The following DYM variants were observed in gnomAD, a reference collection of about 807,000 sequenced individuals.
The protein encoded by DYM is dymeclin, also known as dyggve-Melchior-Clausen syndrome protein.
Under a neutral mutation model 93.1 loss-of-function variants are expected in DYM, and 78 were observed. The observed-to-expected ratio is 0.84, with a 90% CI of 0.70 to 1.01. DYM has a LOEUF of 1.01. Ranked by LOEUF, DYM falls within the 50% of genes least tolerant of loss-of-function variation. The pLI, the probability that DYM is intolerant of heterozygous loss-of-function variation, is 0.00. For synonymous variants in DYM, 321 were observed against 319.7 expected (o/e 1.00, Z -0.04); for missense variants, 789 against 845.0 (o/e 0.93, Z 0.82).
chr18:49,400,932 T>C (rs1354037929), intron 2 of DYM, among the ~76,000 whole-genome samples: 2 of 152,294 alleles, frequency 1.3e-5, no homozygotes, highest in East Asian at 3.9e-4. Context: ...AGCAGGCAAC[T>C]AACAAACCAT....
At chr18:49,337,045 G>C (rs1319819598) in intron 6 of DYM, among the ~76,000 whole-genome samples, 2 of 152,184 alleles carry the variant, frequency 1.3e-5, no homozygotes, top group African/African-American at 2.4e-5. Flanking sequence ...TGGAAAGATG[G>C]AGGGATCTTT....
chr18:49,437,759 T>G (rs1260736766), intron 1 of DYM, among the ~76,000 whole-genome samples: 1 of 152,230 alleles, frequency 6.6e-6, no homozygotes, highest in African/African-American at 2.4e-5. Flanking sequence ...AACTTAGATT[T>G]TTTTTAAAAA....
At chr18:49,375,228 A>AT (rs2067387375) in intron 5 of DYM, among the ~76,000 whole-genome samples, 1 of 149,466 alleles carries the variant, frequency 6.7e-6, no homozygotes, top group African/African-American at 2.5e-5. Flanking sequence ...ACACACACAC[A>AT]CATCTATACC....
intron 14 of DYM, among the ~76,000 whole-genome samples, chr18:49,169,521 G>C (rs1019687496): frequency 2.0e-5 from 3 of 152,206 alleles, no homozygotes; most frequent in Non-Finnish European, 4.4e-5. Context: ...CTGAAAGCCA[G>C]ACGTGTTCTA....
At chr18:49,063,214 G>A (rs944101895) in intron 17 of DYM, among the ~76,000 whole-genome samples, 1 of 152,026 alleles carries the variant, frequency 6.6e-6, no homozygotes, top group African/African-American at 2.4e-5. Flanking sequence ...TCCCACACCT[G>A]ACACAGGTCT....
chr18:49,308,712 G>A (rs1254830902), intron 8 of DYM, among the ~76,000 whole-genome samples: 2 of 152,116 alleles, frequency 1.3e-5, no homozygotes, highest in East Asian at 3.9e-4. Context: ...GGGAGACACT[G>A]GCGGGAGACG....
At chr18:49,207,095 T>C (rs1163522031) in intron 14 of DYM, among the ~76,000 whole-genome samples, 1 of 152,168 alleles carries the variant, frequency 6.6e-6, no homozygotes, top group Non-Finnish European at 1.5e-5. Flanking sequence ...TTCATTTTCT[T>C]TTATTTTCCC....
chr18:49,290,357 T>C (rs80355747), intron 8 of DYM, among the ~76,000 whole-genome samples: 12,171 of 151,682 alleles, frequency 0.08, 765 homozygotes, highest in East Asian at 0.31. Flanking sequence ...TGTATCCATA[T>C]GTACATATTT....
intron 3 of DYM, among the ~76,000 whole-genome samples, chr18:49,383,634 T>C (rs2068265247): frequency 6.6e-6 from 1 of 152,238 alleles, no homozygotes. Context: ...CTTCATGGGT[T>C]ACACCCCATC....
chr18:49,049,829 G>C, intron 17 of DYM: 1 of 154,356 alleles, frequency 6.5e-6, no homozygotes, highest in Middle Eastern at 5.2e-4. Context: ...CTTCTCACTT[G>C]GCAACTGACT....
chr18:49,426,907 A>C (rs898614869), intron 2 of DYM, among the ~76,000 whole-genome samples: 1 of 152,116 alleles, frequency 6.6e-6, no homozygotes, highest in Non-Finnish European at 1.5e-5. Context: ...TAAAGAAAAA[A>C]ACTGAAGTGC....
chr18:49,217,643 C>T (rs1600736408), intron 13 of DYM, among the ~76,000 whole-genome samples: 2 of 152,134 alleles, frequency 1.3e-5, no homozygotes, highest in Admixed American at 1.3e-4. Context: ...AATTTCATAT[C>T]CAGCCAAACT....
At chr18:49,182,031 C>T (rs575781406) in intron 14 of DYM, among the ~76,000 whole-genome samples, 43 of 152,192 alleles carry the variant, frequency 2.8e-4, no homozygotes, top group Non-Finnish European at 5.7e-4. Context: ...GTTTAAAAAT[C>T]GCTTTTGGTT....
chr18:49,363,506 A>G (rs1599688981), intron 5 of DYM, among the ~76,000 whole-genome samples: 1 of 152,226 alleles, frequency 6.6e-6, no homozygotes, highest in South Asian at 2.1e-4. Context: ...AGTAGTTGTC[A>G]GATTTCTTAT....
chr18:49,367,403 A>G lies in DYM; in HGVS notation c.422-4170T>C, dbSNP rs149657727. ...TTAAGGTTCTAATAATCTATACCCAAAATTAAGCTGCAGTCCCTGTTAGTT... is the reference window on the plus strand; with the variant it reads ...TTAAGGTTCTAATAATCTATACCCAGAATTAAGCTGCAGTCCCTGTTAGTT... On this transcript the variant is annotated intron_variant, in intron 5 of 17. Transcript: ENST00000675505. Among the ~76,000 whole-genome samples the G allele has an allele frequency of 3.1e-3, 477 of 152,230 alleles. 4 individuals carry two copies. The highest frequency in any genetic ancestry group is 0.011 in the African/African-American group (442 of 41,560).
chr18:49,263,512 C>T (rs1017654193), intron 11 of DYM, among the ~76,000 whole-genome samples: 7 of 151,214 alleles, frequency 4.6e-5, no homozygotes, highest in African/African-American at 1.7e-4. Context: ...GGGTGGATCA[C>T]GAGGTCAGGA....
chr18:49,341,491 C>CAAAAAAAA (rs10578063), intron 6 of DYM, among the ~76,000 whole-genome samples: 3 of 64,926 alleles, frequency 4.6e-5, no homozygotes, highest in African/African-American at 7.4e-5. Context: ...GACTCCATCG[C>CAAAAAAAA]AAAAAAAAAA....
rs1358140439 is a variant in DYM at position 49,042,447 on chromosome 18, G to T, written c.*1608C>A. The T allele has an allele frequency of 6.6e-6, 1 of 152,336 alleles. No individual in the cohort carries two copies. Among genetic ancestry groups the T allele is most frequent in the African/African-American group, 2.4e-5 (1 of 41,468 alleles). 9.4% of individuals were successfully genotyped at this position (152,336 alleles called of 1,614,324 possible). On this transcript the variant is annotated 3_prime_UTR_variant, in exon 18 of 18. Coordinates refer to ENST00000675505, the MANE Select transcript of DYM (RefSeq NM_001353214.3). ...GAGCACAGCTTGGCCAGGCCTTCCC[G>T]TGTGGAGCCCACACAGTGGTGCACT...
intron 13 of DYM, among the ~76,000 whole-genome samples, chr18:49,221,868 G>A (rs2144094320): frequency 6.6e-6 from 1 of 151,976 alleles, no homozygotes; most frequent in South Asian, 2.1e-4. Context: ...TAACTAAGCT[G>A]CACATTGTGC....
Sources: allele counts gnomAD v4.1 joint callset (sites outside exome capture counted in the v4.1 genomes callset), GRCh38; gene constraint gnomAD v4.1.1; transcripts MANE v1.5; gene names NCBI Gene and HGNC (gene_info 2026-07-23, HGNC 2026-07-21).